TENM2: variants seen among roughly 807,000 people sequenced by gnomAD.
The protein encoded by TENM2 is teneurin transmembrane protein 2, also known as teneurin-2.
In TENM2, 52 loss-of-function variants were observed where a neutral mutation model predicts 245.2. That is an observed-to-expected ratio of 0.21 (90% CI 0.17 to 0.27). The LOEUF (loss-of-function observed/expected upper bound fraction) is 0.27. Ranked by LOEUF, TENM2 falls within the 10% of genes least tolerant of loss-of-function variation. The pLI, the probability that TENM2 is intolerant of heterozygous loss-of-function variation, is 1.00. For synonymous variants in TENM2, 1,363 were observed against 1,438.9 expected (o/e 0.95, Z 1.19); for missense variants, 3,046 against 3,666.8 (o/e 0.83, Z 4.37).
chr5:168,127,001 T>G, intron 12 of TENM2, 35 bp downstream of exon 14: 10 of 1,537,580 alleles, frequency 6.5e-6, no homozygotes, highest in South Asian at 1.2e-5. Flanking sequence ...ATTGTAGATC[T>G]ATAGTGATGG....
intron 2 of TENM2, among the ~76,000 whole-genome samples, chr5:167,666,620 A>T (rs1561653353): frequency 6.6e-6 from 1 of 152,192 alleles, no homozygotes; most frequent in Non-Finnish European, 1.5e-5. Context: ...AGGGCCTGGC[A>T]TATTTACATG....
At chr5:167,264,278 A>G in the TENM2 span, among the ~76,000 whole-genome samples, 14 of 152,168 alleles carry the variant, frequency 9.2e-5, no homozygotes, top group Admixed American at 3.9e-4. Context: ...GTATTTGGCT[A>G]TGAAGCTAGT....
At chr5:168,057,718 C>T (rs567015620) in intron 6 of TENM2, among the ~76,000 whole-genome samples, 1 of 152,248 alleles carries the variant, frequency 6.6e-6, no homozygotes, top group East Asian at 1.9e-4. Flanking sequence ...AGCATTTGCT[C>T]ATGACTCTTC....
chr5:167,123,260 C>T, the TENM2 span, among the ~76,000 whole-genome samples: 19 of 152,238 alleles, frequency 1.2e-4, no homozygotes, highest in Admixed American at 2.0e-4. Flanking sequence ...GCAGAGGTTG[C>T]GGTGAGCCAA....
At chr5:167,835,690 G>A (rs1251524727) in intron 2 of TENM2, among the ~76,000 whole-genome samples, 2 of 152,016 alleles carry the variant, frequency 1.3e-5, no homozygotes, top group East Asian at 1.9e-4. Context: ...ATTCCTAGGG[G>A]TAATGGAAGC....
chr5:167,881,457 T>C (rs1047384906), intron 3 of TENM2, among the ~76,000 whole-genome samples: 5 of 152,224 alleles, frequency 3.3e-5, no homozygotes, highest in Admixed American at 3.3e-4. Flanking sequence ...AGATTCATAG[T>C]AGACACTCCG....
At chr5:168,045,803 C>G (rs1788559230) in intron 5 of TENM2, among the ~76,000 whole-genome samples, 1 of 152,120 alleles carries the variant, frequency 6.6e-6, no homozygotes, top group South Asian at 2.1e-4. Flanking sequence ...TATCTTGAAG[C>G]CACCATGATT....
chr5:167,215,882 C>T, the TENM2 span, among the ~76,000 whole-genome samples: 1 of 152,016 alleles, frequency 6.6e-6, no homozygotes, highest in East Asian at 1.9e-4. Flanking sequence ...GTTGATTGAT[C>T]TTTTTTTTAA....
At chr5:167,083,266 G>T in the TENM2 span, among the ~76,000 whole-genome samples, 2 of 152,130 alleles carry the variant, frequency 1.3e-5, no homozygotes, top group East Asian at 3.9e-4. Flanking sequence ...ATTCAAGGAG[G>T]AAATCTTTTT....
chr5:167,659,843 A>G (rs1227622257), intron 2 of TENM2, among the ~76,000 whole-genome samples: 3 of 152,292 alleles, frequency 2.0e-5, no homozygotes, highest in South Asian at 2.1e-4. Flanking sequence ...TGTGTTTGCC[A>G]TAATTAATTT....
chr5:166,979,215 G>GCACCACCAC, the TENM2 span, among the ~76,000 whole-genome samples: 10 of 144,236 alleles, frequency 6.9e-5, no homozygotes, highest in East Asian at 2.2e-4. Flanking sequence ...AGCAGCAGCA[G>GCACCACCAC]CAGCAGCAGC....
chr5:168,176,135 C>T (rs1036996771), intron 13 of TENM2, among the ~76,000 whole-genome samples: 10 of 152,190 alleles, frequency 6.6e-5, no homozygotes, highest in Non-Finnish European at 1.2e-4. Context: ...AACTTCTCTG[C>T]GCTGGACTAT....
chr5:168,146,423 C>CA (rs1329361830), intron 12 of TENM2, among the ~76,000 whole-genome samples: 1 of 152,146 alleles, frequency 6.6e-6, no homozygotes, highest in Non-Finnish European at 1.5e-5. Flanking sequence ...TGGCCTCAAG[C>CA]ATCCTCAGGG....
intron 2 of TENM2, among the ~76,000 whole-genome samples, chr5:167,454,547 ATGTG>A (rs1163358694): frequency 2.0e-5 from 3 of 151,234 alleles, no homozygotes; most frequent in Non-Finnish European, 4.4e-5. Context: ...ACACATATTT[ATGTG>A]TGTGTCTGTA....
chr5:167,164,873 A>G, the TENM2 span: 1 of 152,184 alleles, frequency 6.6e-6, no homozygotes, highest in Admixed American at 6.5e-5. Context: ...TTATATTACA[A>G]TGTGTACTTC....
the TENM2 span, among the ~76,000 whole-genome samples, chr5:167,073,941 C>T: frequency 6.6e-6 from 1 of 152,324 alleles, no homozygotes; most frequent in Admixed American, 6.5e-5. Context: ...ATCTGGCCCC[C>T]TATAACAAAT....
chr5:168,141,395 T>C (rs1162575966), intron 12 of TENM2, among the ~76,000 whole-genome samples: 1 of 152,300 alleles, frequency 6.6e-6, no homozygotes, highest in Non-Finnish European at 1.5e-5. Flanking sequence ...ACCTGGCCAT[T>C]TTAAATGCAT....
intron 2 of TENM2, among the ~76,000 whole-genome samples, chr5:167,677,542 T>C (rs565006256): frequency 1.3e-5 from 2 of 151,900 alleles, no homozygotes; most frequent in Non-Finnish European, 2.9e-5. Context: ...GCATGTATTC[T>C]GTGTACTAAC....
At chr5:167,015,621 T>G in the TENM2 span, among the ~76,000 whole-genome samples, 1 of 152,234 alleles carries the variant, frequency 6.6e-6, no homozygotes, top group Non-Finnish European at 1.5e-5. Context: ...GTGATTTCTG[T>G]GAAATATTTA....
Sources: gnomAD v4.1 joint callset for allele counts (sites outside exome capture counted in the v4.1 genomes callset) on GRCh38, gnomAD v4.1.1 for gene constraint, MANE v1.5 for transcripts, NCBI Gene and HGNC (gene_info 2026-07-23, HGNC 2026-07-21) for gene names.